Variants in COBL observed in about 807,000 individuals in gnomAD.
The protein encoded by COBL is cordon-bleu WH2 repeat protein.
In COBL, 51 loss-of-function variants were observed where a neutral mutation model predicts 98.8. The observed-to-expected ratio is 0.52, with a 90% CI of 0.41 to 0.65. The LOEUF (loss-of-function observed/expected upper bound fraction) is 0.65, where lower values mean the gene tolerates loss of function less well. Ranked by LOEUF, COBL falls within the 30% of genes least tolerant of loss-of-function variation. COBL has a pLI of 0.00. For missense variants in COBL, 1,617 were observed against 1,617.5 expected, an observed-to-expected ratio of 1.00 and a Z score of 0.01; for synonymous variants, 634 against 651.7, an observed-to-expected ratio of 0.97 and a Z score of 0.41.
In COBL at chr7:51,144,856, T is replaced by C. The variant is rs570371714; in HGVS notation, c.784-8525A>G. ...ATAATGTTTTGAAGGTTTGCTCACA[T>C]TGCAGCATGCATCAGTATTTCATTC... On this transcript the variant is annotated intron_variant, in intron 5 of 12. Coordinates refer to ENST00000265136, the MANE Select transcript of COBL (RefSeq NM_015198.5). Among the ~76,000 whole-genome samples, 3 of 152,376 alleles carry C rather than the reference T, an allele frequency of 2.0e-5. No individual in the cohort carries two copies. The South Asian group carries it at 6.2e-4, about 32-fold the overall frequency.
chr7:51,288,573 T>C (rs981821568), intron 1 of COBL, among the ~76,000 whole-genome samples: 3 of 151,830 alleles, frequency 2.0e-5, no homozygotes, highest in African/African-American at 7.3e-5. Flanking sequence ...GCCAACATGG[T>C]GAAACCCTGT....
chr7:51,237,435 T>C (rs1795360114), intron 1 of COBL, among the ~76,000 whole-genome samples: 1 of 151,336 alleles, frequency 6.6e-6, no homozygotes, highest in Non-Finnish European at 1.5e-5. Context: ...ATGACAATAA[T>C]ATTGAAAAAT....
At chr7:51,081,063 G>A (rs1387652722) in intron 7 of COBL, among the ~76,000 whole-genome samples, 1 of 152,198 alleles carries the variant, frequency 6.6e-6, no homozygotes, top group Non-Finnish European at 1.5e-5. Flanking sequence ...GCTTGAACAT[G>A]TGGTGCGCTG....
At chr7:51,112,901 A>C (rs1371449481) in intron 6 of COBL, among the ~76,000 whole-genome samples, 1 of 152,202 alleles carries the variant, frequency 6.6e-6, no homozygotes, top group Non-Finnish European at 1.5e-5. Flanking sequence ...CTCAAGTATC[A>C]TCTTCTTCCC....
At chr7:51,169,318 AC>A (rs1277242801) in intron 5 of COBL, among the ~76,000 whole-genome samples, 1 of 152,220 alleles carries the variant, frequency 6.6e-6, no homozygotes, top group African/African-American at 2.4e-5. Context: ...TCTTACGTGT[AC>A]TGATTGATGT....
chr7:51,205,552 A>T (rs556873244), intron 2 of COBL, among the ~76,000 whole-genome samples: 1 of 151,650 alleles, frequency 6.6e-6, no homozygotes, highest in South Asian at 2.1e-4. Flanking sequence ...ATAAGATTTG[A>T]AGCCATAAAA....
intron 2 of COBL, among the ~76,000 whole-genome samples, chr7:51,199,159 C>A (rs562949645): frequency 5.7e-4 from 87 of 152,298 alleles, no homozygotes; most frequent in African/African-American, 2.0e-3. Context: ...GGCTTCAGCC[C>A]CTCTCCACTG....
chr7:51,219,240 G>C (rs2129087262), intron 2 of COBL, among the ~76,000 whole-genome samples: 1 of 152,292 alleles, frequency 6.6e-6, no homozygotes, highest in East Asian at 1.9e-4. Flanking sequence ...ATCCATGATT[G>C]GGTTGGTTTA....
At position 51,025,299 on chromosome 7, in the gene COBL, G is replaced by T; in HGVS notation, c.3578C>A (p.Pro1193His). ...CAGAAGACCAAGGTCTTCTAGCAGA[G>T]GACTTTCCGAGCCCTGAGCAGAGAG... ...AALSAQGSES[P>H]LLEDLGLLSP... Residue 1193 changes from proline to histidine, a missense_variant, in exon 12 of 13, where the codon CCT becomes CAT. Physicochemically the swap from Pro to His is moderately conservative, Grantham distance 77. Transcript: ENST00000265136. The T allele has an allele frequency of 6.2e-7, 1 of 1,612,470 alleles. No homozygotes were observed. The highest frequency in any genetic ancestry group is 8.5e-7 in the Non-Finnish European group (1 of 1,179,618).
At chr7:51,276,292 G>C (rs1425118644) in intron 1 of COBL, among the ~76,000 whole-genome samples, 1 of 152,220 alleles carries the variant, frequency 6.6e-6, no homozygotes, top group Non-Finnish European at 1.5e-5. Context: ...AAAGGCAGCA[G>C]CACCAAGAGC....
intron 7 of COBL, among the ~76,000 whole-genome samples, chr7:51,079,063 C>T (rs1488579602): frequency 2.0e-5 from 3 of 152,156 alleles, no homozygotes; most frequent in Admixed American, 6.5e-5. Flanking sequence ...TAAGTACAGT[C>T]AGCATTCGTG....
intron 5 of COBL, among the ~76,000 whole-genome samples, chr7:51,162,951 C>T (rs2118306): frequency 0.13 from 19,513 of 152,200 alleles, 1,786 homozygotes; most frequent in African/African-American, 0.26. Flanking sequence ...GCAATGTTTC[C>T]TGTAAAGCAA....
chr7:51,118,993 T>C (rs1170093092), intron 6 of COBL, among the ~76,000 whole-genome samples: 1 of 152,192 alleles, frequency 6.6e-6, no homozygotes, highest in African/African-American at 2.4e-5. Flanking sequence ...GTTTCCTCAG[T>C]CCCAGAGTCA....
At chr7:51,134,814 T>C (rs1264367031) in intron 6 of COBL, among the ~76,000 whole-genome samples, 1 of 152,158 alleles carries the variant, frequency 6.6e-6, no homozygotes, top group Non-Finnish European at 1.5e-5. Flanking sequence ...TAGCTTTGTG[T>C]TTTCCATTTG....
At chr7:51,034,531 G>A (rs1369844420) in intron 8 of COBL, 1 of 152,260 alleles carries the variant, frequency 6.6e-6, no homozygotes, top group Non-Finnish European at 1.5e-5. Context: ...GCAGGAGGGA[G>A]AGACAGCAGT....
intron 1 of COBL, among the ~76,000 whole-genome samples, chr7:51,274,590 G>T (rs1799114625): frequency 6.6e-6 from 1 of 152,224 alleles, no homozygotes; most frequent in African/African-American, 2.4e-5. Flanking sequence ...ACTTTACTAT[G>T]GAAGGCTGAG....
intron 5 of COBL, among the ~76,000 whole-genome samples, chr7:51,160,510 A>G (rs1251781878): frequency 1.3e-5 from 2 of 152,222 alleles, no homozygotes; most frequent in African/African-American, 4.8e-5. Context: ...CATTACTTAT[A>G]CCAGAATAAA....
At chr7:51,164,975 G>A (rs184203397) in intron 5 of COBL, among the ~76,000 whole-genome samples, 24 of 151,862 alleles carry the variant, frequency 1.6e-4, no homozygotes, top group African/African-American at 5.3e-4. Context: ...AACTTCCAAC[G>A]AAATAACATA....
intron 1 of COBL, among the ~76,000 whole-genome samples, chr7:51,298,385 G>T (rs1230047589): frequency 1.3e-5 from 2 of 152,224 alleles, no homozygotes; most frequent in African/African-American, 4.8e-5. Context: ...CACCTTTGTT[G>T]TCAGGGCATG....
Sources: gnomAD v4.1 joint callset for allele counts (sites outside exome capture counted in the v4.1 genomes callset) on GRCh38, gnomAD v4.1.1 for gene constraint, MANE v1.5 for transcripts, NCBI Gene and HGNC (gene_info 2026-07-23, HGNC 2026-07-21) for gene names.